PTPRO: variants seen among roughly 807,000 people sequenced by gnomAD.
The protein encoded by PTPRO is receptor-type tyrosine-protein phosphatase O.
A neutral mutation model predicts 145.2 loss-of-function variants in PTPRO; 62 were observed. The ratio of observed to expected loss-of-function variants is 0.43; its 90% CI spans 0.35 to 0.53. PTPRO has a LOEUF of 0.53. Among genes scored for constraint, PTPRO ranks in the 20% least tolerant of loss-of-function variants. The pLI, the probability that PTPRO is intolerant of heterozygous loss-of-function variation, is 0.01. For synonymous variants in PTPRO, 565 were observed against 514.7 expected (o/e 1.10, Z -1.32); for missense variants, 1,345 against 1,482.7 (o/e 0.91, Z 1.53).
chr12:15,394,910 G>A (rs1260561175), intron 1 of PTPRO, among the ~76,000 whole-genome samples: 7 of 152,112 alleles, frequency 4.6e-5, no homozygotes, highest in Admixed American at 3.3e-4. Context: ...AGACAACACA[G>A]GAATGAAAGA....
chr12:15,431,653 A>G (rs1466005563), intron 1 of PTPRO, among the ~76,000 whole-genome samples: 1 of 152,180 alleles, frequency 6.6e-6, no homozygotes, highest in East Asian at 1.9e-4. Context: ...TAAGAAATTC[A>G]TGATTTTTCT....
chr12:15,417,897 A>G (rs940802744), intron 1 of PTPRO, among the ~76,000 whole-genome samples: 2 of 151,766 alleles, frequency 1.3e-5, no homozygotes, highest in African/African-American at 2.4e-5. Context: ...ATATCTCTCA[A>G]CAGTGCTGGG....
At position 15,360,128 on chromosome 12, in the gene PTPRO, G is replaced by A. The variant is rs890418037; in HGVS notation, c.75+37327G>A. On this transcript the variant is annotated intron_variant, in intron 1 of 26. Coordinates refer to ENST00000281171, the MANE Select transcript of PTPRO (RefSeq NM_030667.3). ...TCTATTGTGCTTTTCAAATTCCCCAGCATCACGTTTTTACCCTTCTTAAAA... is the reference window on the plus strand; with the variant it reads ...TCTATTGTGCTTTTCAAATTCCCCAACATCACGTTTTTACCCTTCTTAAAA... Among the ~76,000 whole-genome samples, 15 of 152,198 alleles carry A rather than the reference G, an allele frequency of 9.9e-5. No homozygotes were observed. The East Asian group carries it at 2.7e-3, about 27-fold the overall frequency.
chr12:15,349,840 G>A (rs1003579437), intron 1 of PTPRO, among the ~76,000 whole-genome samples: 5 of 152,292 alleles, frequency 3.3e-5, no homozygotes, highest in South Asian at 4.1e-4. Flanking sequence ...TTGATTACAC[G>A]TAGGACAAGG....
chr12:15,390,293 G>T (rs1025672642), intron 1 of PTPRO, among the ~76,000 whole-genome samples: 3 of 152,096 alleles, frequency 2.0e-5, no homozygotes, highest in Non-Finnish European at 4.4e-5. Flanking sequence ...TGCTGATAAA[G>T]ACATACCAGA....
intron 1 of PTPRO, among the ~76,000 whole-genome samples, chr12:15,465,198 AT>A (rs1384205575): frequency 2.0e-5 from 3 of 152,212 alleles, no homozygotes; most frequent in African/African-American, 4.8e-5. Flanking sequence ...TTTGAGCTTC[AT>A]TTATAAAACA....
intron 1 of PTPRO, among the ~76,000 whole-genome samples, chr12:15,361,013 ATAAACATATAGGTATATGTT>A (rs997549852): frequency 1.2e-4 from 17 of 143,884 alleles, no homozygotes; most frequent in Middle Eastern, 3.8e-3. Flanking sequence ...GTTTTAACTT[ATAAACATATAGGTATATGTT>A]TAAACATATA....
rs146041859 is a variant in PTPRO, at chr12:15,359,365, C to A, written c.75+36564C>A. Among the ~76,000 whole-genome samples, 417 of 150,756 alleles carry A rather than the reference C, an allele frequency of 2.8e-3. 3 individuals are homozygous for A. Among genetic ancestry groups the A allele is most frequent in the African/African-American group, 1.0e-2 (409 of 41,042 alleles). On this transcript the variant is annotated intron_variant, in intron 1 of 26. Coordinates refer to ENST00000281171, the MANE Select transcript of PTPRO (RefSeq NM_030667.3). ...TTAATGCCCTTATTAGATTCATTTT[C>A]AGATATTATAAAGGTTTGTTTACTC...
At chr12:15,590,692 A>T (rs1439624677) in intron 25 of PTPRO, among the ~76,000 whole-genome samples, 1 of 152,252 alleles carries the variant, frequency 6.6e-6, no homozygotes, top group African/African-American at 2.4e-5. Context: ...CAGCAGGATC[A>T]TACCACTTGG....
intron 2 of PTPRO, among the ~76,000 whole-genome samples, chr12:15,484,501 T>C (rs1043519226): frequency 1.3e-5 from 2 of 152,130 alleles, no homozygotes; most frequent in African/African-American, 4.8e-5. Flanking sequence ...TGAGACTGAG[T>C]AACAATTTCA....
intron 1 of PTPRO, among the ~76,000 whole-genome samples, chr12:15,325,416 T>C (rs529392038): frequency 1.3e-5 from 2 of 152,348 alleles, no homozygotes; most frequent in South Asian, 4.1e-4. Flanking sequence ...TGAGCACATA[T>C]AATCGGGCAT....
intron 1 of PTPRO, among the ~76,000 whole-genome samples, chr12:15,375,135 A>G (rs900834385): frequency 1.3e-5 from 2 of 152,258 alleles, no homozygotes; most frequent in Non-Finnish European, 1.5e-5. Flanking sequence ...TACAGACTTT[A>G]CAGAATTAGC....
chr12:15,376,390 T>C (rs1013740461), intron 1 of PTPRO, among the ~76,000 whole-genome samples: 1 of 152,160 alleles, frequency 6.6e-6, no homozygotes, highest in African/African-American at 2.4e-5. Context: ...ATTGAGATAT[T>C]TTCAGGTAAA....
At chr12:15,413,016 C>T (rs551436381) in intron 1 of PTPRO, among the ~76,000 whole-genome samples, 1 of 152,142 alleles carries the variant, frequency 6.6e-6, no homozygotes, top group Admixed American at 6.5e-5. Context: ...TGGTCTCGAC[C>T]TCCTGACCTG....
intron 15 of PTPRO, among the ~76,000 whole-genome samples, chr12:15,556,177 G>C (rs1419941486): frequency 1.3e-5 from 2 of 152,018 alleles, no homozygotes; most frequent in Admixed American, 1.3e-4. Flanking sequence ...TTGAGTTACA[G>C]GTAAAATAAA....
intron 1 of PTPRO, among the ~76,000 whole-genome samples, chr12:15,370,634 G>A (rs1467313904): frequency 6.6e-6 from 1 of 151,894 alleles, no homozygotes; most frequent in Non-Finnish European, 1.5e-5. Context: ...TTGTATTGTT[G>A]ATATTCTTAA....
intron 2 of PTPRO, among the ~76,000 whole-genome samples, chr12:15,488,532 T>C (rs187503670): frequency 6.6e-6 from 1 of 152,232 alleles, no homozygotes; most frequent in Non-Finnish European, 1.5e-5. Flanking sequence ...TTTAAACAAG[T>C]TTGGAAAACA....
chr12:15,439,911 T>C (rs527807477), intron 1 of PTPRO: 15 of 665,370 alleles, frequency 2.3e-5, no homozygotes, highest in Admixed American at 1.5e-4. Flanking sequence ...TTTGTTGCCA[T>C]TGGGGACTAC....
At chr12:15,327,447 C>T (rs1866477693) in intron 1 of PTPRO, among the ~76,000 whole-genome samples, 1 of 152,150 alleles carries the variant, frequency 6.6e-6, no homozygotes, top group South Asian at 2.1e-4. Flanking sequence ...GCTATGACCA[C>T]AACCAACCAG....
Sources: allele counts gnomAD v4.1 joint callset (sites outside exome capture counted in the v4.1 genomes callset), GRCh38; gene constraint gnomAD v4.1.1; transcripts MANE v1.5; gene names NCBI Gene and HGNC (gene_info 2026-07-23, HGNC 2026-07-21).